ZPBP: variants seen among roughly 807,000 people sequenced by gnomAD.
The protein encoded by ZPBP is zona pellucida-binding protein 1.
In ZPBP, 26 loss-of-function variants were observed where a neutral mutation model predicts 44.8. The ratio of observed to expected loss-of-function variants is 0.58; its 90% CI spans 0.43 to 0.81. The LOEUF (loss-of-function observed/expected upper bound fraction) is 0.81. Ranked by LOEUF, ZPBP falls within the 30% of genes least tolerant of loss-of-function variation. ZPBP has a pLI of 0.00. For missense variants in ZPBP, 409 were observed against 434.0 expected, an observed-to-expected ratio of 0.94 and a Z score of 0.51; for synonymous variants, 174 against 153.2, an observed-to-expected ratio of 1.14 and a Z score of -1.00.
chr7:49,875,868 C>T (rs549076171), intron 2 of ZPBP, among the ~76,000 whole-genome samples: 2 of 152,238 alleles, frequency 1.3e-5, no homozygotes, highest in African/African-American at 4.8e-5. Flanking sequence ...GAGAATCCTG[C>T]TTGGTTTCTC....
chr7:50,090,789 C>T (rs1033790753), intron 1 of ZPBP, among the ~76,000 whole-genome samples: 2 of 152,036 alleles, frequency 1.3e-5, no homozygotes, highest in Middle Eastern at 3.4e-3. Flanking sequence ...TGTGCAAGTA[C>T]CTTTTTCATA....
intron 2 of ZPBP, among the ~76,000 whole-genome samples, chr7:49,885,481 C>G (rs901867208): frequency 3.3e-5 from 5 of 151,562 alleles, no homozygotes; most frequent in Non-Finnish European, 7.4e-5. Context: ...TTAACTTCAT[C>G]AAATTACATT....
At chr7:49,936,811 T>C (rs13233884), downstream of ZPBP, among the ~76,000 whole-genome samples, 1 of 152,112 alleles carries the variant, frequency 6.6e-6, no homozygotes, top group Non-Finnish European at 1.5e-5. Flanking sequence ...AAAATAAAGG[T>C]TGTGATGATT....
At position 49,893,467 on chromosome 7, in the gene ZPBP, T is replaced by A. The variant is rs576136025; in HGVS notation, n.509+7651A>T. 6.6e-5 allele frequency among the ~76,000 whole-genome samples: 10 copies of A among 152,322 alleles called. No homozygotes were observed. The South Asian group carries it at 2.1e-3, about 32-fold the overall frequency. On this transcript the variant is annotated intron_variant and non_coding_transcript_variant, in intron 2 of 2. Coordinates refer to the ZPBP transcript ENST00000465922. Reference sequence around the variant, plus strand: ...TTGATTTTTTTCGTGCTTGTTTTAGTCCCTCTTTAAAAACTTTTGCTCATT... The same window carrying A: ...TTGATTTTTTTCGTGCTTGTTTTAGACCCTCTTTAAAAACTTTTGCTCATT...
At chr7:49,920,693 T>C (rs1250282792) in intron 1 of ZPBP, 1 of 149,030 alleles carries the variant, frequency 6.7e-6, no homozygotes, top group Non-Finnish European at 1.5e-5. Flanking sequence ...AAAACACATA[T>C]GTATTTAATT....
At chr7:49,848,069 T>C (rs1349282368), downstream of ZPBP, among the ~76,000 whole-genome samples, 1 of 152,122 alleles carries the variant, frequency 6.6e-6, no homozygotes, top group Non-Finnish European at 1.5e-5. Context: ...CTTCTACAGG[T>C]CTCAGTCGCT....
chr7:50,038,026 G>A (rs1403365715), intron 4 of ZPBP, among the ~76,000 whole-genome samples: 1 of 152,104 alleles, frequency 6.6e-6, no homozygotes, highest in Non-Finnish European at 1.5e-5. Flanking sequence ...TCAGGTAGAG[G>A]AACACTGAGA....
At chr7:50,068,217 C>CTT (rs1033546202) in intron 3 of ZPBP, among the ~76,000 whole-genome samples, 10 of 152,200 alleles carry the variant, frequency 6.6e-5, no homozygotes, top group African/African-American at 2.4e-4. Context: ...CTTAGGGACT[C>CTT]TCTTATTGGA....
intron 4 of ZPBP, among the ~76,000 whole-genome samples, chr7:50,034,791 C>T (rs1324703272): frequency 6.6e-6 from 1 of 152,158 alleles, no homozygotes; most frequent in Non-Finnish European, 1.5e-5. Flanking sequence ...CAATCTGTTT[C>T]TCACCCTTTG....
At chr7:50,090,642 C>A (rs985802684) in intron 1 of ZPBP, among the ~76,000 whole-genome samples, 4 of 151,288 alleles carry the variant, frequency 2.6e-5, no homozygotes, top group African/African-American at 9.7e-5. Context: ...TATACACACA[C>A]ACATGCACAC....
downstream of ZPBP, among the ~76,000 whole-genome samples, chr7:49,933,111 G>C (rs550634214): frequency 6.6e-6 from 1 of 151,922 alleles, no homozygotes; most frequent in East Asian, 1.9e-4. Flanking sequence ...ATATTATAGT[G>C]ATAAAATTAT....
intron 4 of ZPBP, among the ~76,000 whole-genome samples, chr7:50,038,688 T>C (rs1026390412): frequency 3.9e-5 from 6 of 152,240 alleles, no homozygotes; most frequent in Non-Finnish European, 7.3e-5. Flanking sequence ...TGCATAATTA[T>C]GTTTTGGTCA....
At chr7:49,982,303 A>T (rs1393755883) in intron 7 of ZPBP, among the ~76,000 whole-genome samples, 1 of 52,498 alleles carries the variant, frequency 1.9e-5, no homozygotes, top group African/African-American at 2.0e-4. Context: ...TATATATAAT[A>T]TATAATTATA....
chr7:50,045,737 A>T (rs1800322738), intron 4 of ZPBP, among the ~76,000 whole-genome samples: 1 of 152,242 alleles, frequency 6.6e-6, no homozygotes, highest in African/African-American at 2.4e-5. Flanking sequence ...TCATTTATAG[A>T]TTCAATGCTA....
At chr7:49,961,654 A>G (rs1468650178) in intron 7 of ZPBP, among the ~76,000 whole-genome samples, 1 of 152,132 alleles carries the variant, frequency 6.6e-6, no homozygotes, top group Non-Finnish European at 1.5e-5. Flanking sequence ...AATATCATTT[A>G]TTTTGTGGTT....
intron 4 of ZPBP, among the ~76,000 whole-genome samples, chr7:50,037,863 T>C (rs1799891004): frequency 6.6e-6 from 1 of 152,156 alleles, no homozygotes; most frequent in Admixed American, 6.5e-5. Flanking sequence ...TTTCAGTTAA[T>C]AGACTATCTC....
chr7:49,850,103 C>G (rs1790116917), downstream of ZPBP, among the ~76,000 whole-genome samples: 1 of 152,138 alleles, frequency 6.6e-6, no homozygotes. Flanking sequence ...AAAAACCAAG[C>G]CTAGCACATA....
At chr7:50,008,038 T>A (rs1798392317) in intron 6 of ZPBP, among the ~76,000 whole-genome samples, 1 of 151,758 alleles carries the variant, frequency 6.6e-6, no homozygotes, top group South Asian at 2.1e-4. Context: ...GGCAAGAAAA[T>A]GAAATAAAAT....
chr7:49,963,019 TA>T (rs1044977072), intron 7 of ZPBP, among the ~76,000 whole-genome samples: 10 of 149,862 alleles, frequency 6.7e-5, no homozygotes, highest in Admixed American at 5.3e-4. Context: ...AAGGAAATAC[TA>T]AAAAAAAACC....
Sources: gnomAD v4.1 joint callset for allele counts (sites outside exome capture counted in the v4.1 genomes callset) on GRCh38, gnomAD v4.1.1 for gene constraint, MANE v1.5 for transcripts, NCBI Gene and HGNC (gene_info 2026-07-23, HGNC 2026-07-21) for gene names.